The following SPHKAP variants were observed in gnomAD, a reference collection of about 807,000 sequenced individuals.
SPHKAP encodes the protein SPHK1 interactor, AKAP domain containing, also known as A-kinase anchor protein SPHKAP.
SPHKAP carries 67 observed loss-of-function variants against 137.5 expected under a neutral mutation model. The observed-to-expected ratio is 0.49, with a 90% CI of 0.40 to 0.60. SPHKAP has a LOEUF of 0.60. Among genes scored for constraint, SPHKAP ranks in the 20% least tolerant of loss-of-function variants. The pLI is 0.00. For synonymous variants in SPHKAP, 813 were observed against 785.3 expected, an observed-to-expected ratio of 1.04 and a Z score of -0.59; for missense variants, 2,097 against 2,069.3, an observed-to-expected ratio of 1.01 and a Z score of -0.26.
chr2:228,029,892 A>G (rs148582470), intron 3 of SPHKAP, among the ~76,000 whole-genome samples: 1 of 152,300 alleles, frequency 6.6e-6, no homozygotes, highest in Non-Finnish European at 1.5e-5. Context: ...AGCTTTTATT[A>G]TCATGCATCA....
chr2:228,084,244 T>A (rs1697466627), intron 3 of SPHKAP, among the ~76,000 whole-genome samples: 1 of 152,192 alleles, frequency 6.6e-6, no homozygotes, highest in Admixed American at 6.5e-5. Context: ...AGGCAGTGCA[T>A]GTTCATAATG....
intron 3 of SPHKAP, among the ~76,000 whole-genome samples, chr2:228,094,439 G>T (rs1317061517): frequency 6.6e-6 from 1 of 152,166 alleles, no homozygotes; most frequent in Non-Finnish European, 1.5e-5. Context: ...TAGTCACTTA[G>T]TTTGGCAGAA....
At chr2:228,030,536 C>CAAAAAAAAAAAAAAAAAAAAAAAAAA (rs1263087267) in intron 3 of SPHKAP, among the ~76,000 whole-genome samples, 1 of 41,894 alleles carries the variant, frequency 2.4e-5, no homozygotes, top group Non-Finnish European at 4.4e-5. Context: ...AAAAAAACAA[C>CAAAAAAAAAAAAAAAAAAAAAAAAAA]AAAAAACAAA....
chr2:228,119,121 A>G (rs1259865974), intron 2 of SPHKAP, among the ~76,000 whole-genome samples: 1 of 152,128 alleles, frequency 6.6e-6, no homozygotes, highest in Non-Finnish European at 1.5e-5. Context: ...CTCCCATCGG[A>G]GGGCAGAGCA....
intron 4 of SPHKAP, among the ~76,000 whole-genome samples, chr2:228,026,259 C>G (rs1695032174): frequency 6.6e-6 from 1 of 152,144 alleles, no homozygotes. Context: ...ATGTGTTTAT[C>G]AGCATCCTGA....
At chr2:228,131,673 A>G (rs781694805) in intron 2 of SPHKAP, 22 of 530,650 alleles carry the variant, frequency 4.1e-5, no homozygotes, top group Non-Finnish European at 4.8e-5. Context: ...ATGCATGAAC[A>G]TTTTTCTGAA....
chr2:228,165,153 T>C lies in SPHKAP; in HGVS notation c.32+16414A>G, dbSNP rs555599348. ...AAAGAGACTTGTTTCTGTGGCAGCA[T>C]TTTTTTTTTTTTTACCCATCTCACA... is the stretch of plus-strand genomic sequence containing the variant. On this transcript the variant is annotated intron_variant, in intron 1 of 11. Coordinates refer to ENST00000392056, the MANE Select transcript of SPHKAP (RefSeq NM_001142644.2). Among the ~76,000 whole-genome samples the C allele has an allele frequency of 7.7e-3, 563 of 73,394 alleles. 2 individuals are homozygous for C. The highest frequency in any genetic ancestry group is 0.025 in the African/African-American group (526 of 21,438). The allele number at this position is 73,394 out of a possible 152,430, so 48.1% of individuals were successfully genotyped here.
chr2:228,049,904 C>T (rs1696195434), intron 3 of SPHKAP, among the ~76,000 whole-genome samples: 2 of 152,086 alleles, frequency 1.3e-5, no homozygotes, highest in South Asian at 2.1e-4. Flanking sequence ...AAACAGAAAA[C>T]CTACAGAATG....
intron 3 of SPHKAP, among the ~76,000 whole-genome samples, chr2:228,038,502 C>A (rs1695721091): frequency 6.6e-6 from 1 of 152,164 alleles, no homozygotes; most frequent in East Asian, 1.9e-4. Context: ...ATGCTGGAGC[C>A]ACCAGCCAAT....
Position 228,018,420 on chromosome 2 carries a change from A to G in SPHKAP, c.2434T>C (p.Ser812Pro), listed in dbSNP as rs756158453. The G allele has an allele frequency of 2.5e-6, 4 of 1,613,814 alleles. No individual in the cohort carries two copies. The African/African-American group carries it at 5.3e-5, about 22-fold the overall frequency. ...ACTCTGTGACTACGTGATAATTGTG[A>G]CTGCAGCGTGGGGTTCTTGAAGAGG... ...PGLFKNPTLQ[S>P]QLSRSHRVPD... Residue 812 changes from serine (S) to proline (P), a missense_variant, in exon 7 of 12, where the codon TCA becomes CCA. Coordinates refer to ENST00000392056, the MANE Select transcript of SPHKAP (RefSeq NM_001142644.2).
chr2:228,168,186 C>G (rs1411747029), intron 1 of SPHKAP, among the ~76,000 whole-genome samples: 1 of 148,456 alleles, frequency 6.7e-6, no homozygotes, highest in Admixed American at 6.7e-5. Flanking sequence ...TATGAATAGA[C>G]CATAATTTTA....
At chr2:227,997,193 T>A (rs954031154) in intron 7 of SPHKAP, among the ~76,000 whole-genome samples, 2 of 152,228 alleles carry the variant, frequency 1.3e-5, no homozygotes, top group African/African-American at 2.4e-5. Context: ...GGGCTCCCCC[T>A]GCTTATCAAG....
At chr2:228,037,021 CTT>C (rs1454430187) in intron 3 of SPHKAP, among the ~76,000 whole-genome samples, 1 of 151,960 alleles carries the variant, frequency 6.6e-6, no homozygotes, top group Admixed American at 6.6e-5. Flanking sequence ...TACCCTAAAA[CTT>C]AAAGTATAAT....
At chr2:228,117,102 A>G (rs180787850) in intron 2 of SPHKAP, among the ~76,000 whole-genome samples, 1 of 152,254 alleles carries the variant, frequency 6.6e-6, no homozygotes, top group Non-Finnish European at 1.5e-5. Context: ...CATGCTTCCC[A>G]CTATCTATGA....
chr2:228,003,520 T>C (rs946546549), intron 7 of SPHKAP, among the ~76,000 whole-genome samples: 2 of 152,302 alleles, frequency 1.3e-5, no homozygotes, highest in Middle Eastern at 3.4e-3. Flanking sequence ...CAGGGACAAT[T>C]TGACTTCCTC....
At chr2:228,101,467 T>C (rs1698179994) in intron 3 of SPHKAP, among the ~76,000 whole-genome samples, 1 of 152,198 alleles carries the variant, frequency 6.6e-6, no homozygotes, top group South Asian at 2.1e-4. Context: ...CAAAGTTTAT[T>C]TCACTATTCC....
chr2:227,983,152 T>G (rs1693066314), intron 11 of SPHKAP, among the ~76,000 whole-genome samples: 1 of 152,160 alleles, frequency 6.6e-6, no homozygotes, highest in Non-Finnish European at 1.5e-5. Flanking sequence ...TTGCTCAGAC[T>G]TCAGAGATCA....
intron 3 of SPHKAP, among the ~76,000 whole-genome samples, chr2:228,076,128 T>C (rs1308697000): frequency 6.6e-6 from 1 of 152,204 alleles, no homozygotes; most frequent in Non-Finnish European, 1.5e-5. Context: ...CCACATAAGA[T>C]GTGACTTGCT....
chr2:228,159,506 C>T (rs1261617987), intron 1 of SPHKAP, among the ~76,000 whole-genome samples: 1 of 152,158 alleles, frequency 6.6e-6, no homozygotes, highest in East Asian at 1.9e-4. Flanking sequence ...ATGCTATCTC[C>T]CTGCATGTTT....
Sources: gnomAD v4.1 joint callset for allele counts (sites outside exome capture counted in the v4.1 genomes callset) on GRCh38, gnomAD v4.1.1 for gene constraint, MANE v1.5 for transcripts, NCBI Gene and HGNC (gene_info 2026-07-23, HGNC 2026-07-21) for gene names.